OR2C1: variants seen among roughly 807,000 people sequenced by gnomAD.
The protein encoded by OR2C1 is olfactory receptor 2C1.
For synonymous variants in OR2C1, 209 were observed against 167.3 expected (o/e 1.25, Z -1.92); for missense variants, 468 against 388.3 (o/e 1.21, Z -1.73).
At chr16:3,324,230 C>T in the OR2C1 span, among the ~76,000 whole-genome samples, 2 of 152,228 alleles carry the variant, frequency 1.3e-5, no homozygotes, top group Non-Finnish European at 2.9e-5. Flanking sequence ...CTCACTCTAT[C>T]CCCCAGGCTG....
downstream of OR2C1, among the ~76,000 whole-genome samples, chr16:3,357,631 C>A (rs35535522): frequency 6.6e-5 from 10 of 152,206 alleles, no homozygotes; most frequent in Non-Finnish European, 8.8e-5. Flanking sequence ...GCCTTGACTT[C>A]CCCAAGTGCT....
In OR2C1 at chr16:3,355,994, A is replaced by G. The variant is rs1228348; in HGVS notation, c.54A>G (p.Ser18=). The G allele has an allele frequency of 0.87, 1,406,319 of 1,613,140 alleles. 613,766 individuals are homozygous for G. Among genetic ancestry groups the G allele is most frequent in the South Asian group, 0.92 (84,048 of 91,062 alleles). ...AGGGCTTTGTTCTGATGGGCATATC[A>G]GACCATCCCCAGCTGGAGATGATCT... ...SLQGFVLMGI[S]DHPQLEMIFF... The change falls in exon 1 of 1, where the codon TCA becomes TCG. Residue 18 remains serine, a synonymous_variant. Transcript: ENST00000304936.
chr16:3,340,549 G>T, the OR2C1 span, among the ~76,000 whole-genome samples: 2 of 152,120 alleles, frequency 1.3e-5, no homozygotes, highest in Non-Finnish European at 2.9e-5. Flanking sequence ...ATTTACCCGT[G>T]TTTCCTTCTA....
upstream of OR2C1, among the ~76,000 whole-genome samples, chr16:3,351,656 A>G (rs2030576053): frequency 6.6e-6 from 1 of 152,068 alleles, no homozygotes. Flanking sequence ...AGACCCTCGG[A>G]TAAGGAATTG....
chr16:3,328,204 A>T, the OR2C1 span, among the ~76,000 whole-genome samples: 3 of 152,340 alleles, frequency 2.0e-5, no homozygotes, highest in South Asian at 2.1e-4. Flanking sequence ...CTGCTGTGAA[A>T]GATCCTTTAT....
chr16:3,347,056 C>T, the OR2C1 span, among the ~76,000 whole-genome samples: 2 of 150,534 alleles, frequency 1.3e-5, no homozygotes, highest in African/African-American at 4.9e-5. Context: ...ACCAGCCTGG[C>T]CAACATGATG....
upstream of OR2C1, among the ~76,000 whole-genome samples, chr16:3,351,187 C>G (rs1187914854): frequency 1.4e-5 from 2 of 144,062 alleles, no homozygotes; most frequent in African/African-American, 2.6e-5. Flanking sequence ...TTCTCCTGCT[C>G]TGAATTTAAG....
the OR2C1 span, among the ~76,000 whole-genome samples, chr16:3,344,467 C>T: frequency 6.6e-6 from 1 of 152,176 alleles, no homozygotes; most frequent in Non-Finnish European, 1.5e-5. Flanking sequence ...GTGGCTCACG[C>T]CCGTAATCCC....
the OR2C1 span, among the ~76,000 whole-genome samples, chr16:3,324,649 T>C: frequency 5.3e-5 from 8 of 152,010 alleles, no homozygotes; most frequent in Non-Finnish European, 8.8e-5. Flanking sequence ...ATGGGAGTCT[T>C]GATATGTTGC....
At chr16:3,332,679 A>C in the OR2C1 span, among the ~76,000 whole-genome samples, 748 of 150,820 alleles carry the variant, frequency 5.0e-3, 6 homozygotes, top group African/African-American at 0.017. Context: ...AAATGACAAG[A>C]TTTGTGTTCT....
chr16:3,334,710 A>G, the OR2C1 span, among the ~76,000 whole-genome samples: 122 of 151,890 alleles, frequency 8.0e-4, no homozygotes, highest in African/African-American at 2.8e-3. Flanking sequence ...TGTGTTCTCT[A>G]TTCTGCTCCA....
chr16:3,345,297 A>T, the OR2C1 span, among the ~76,000 whole-genome samples: 1 of 152,068 alleles, frequency 6.6e-6, no homozygotes, highest in Non-Finnish European at 1.5e-5. Context: ...ATCCTGGCTA[A>T]CATGGTGAAA....
chr16:3,327,830 T>C, the OR2C1 span, among the ~76,000 whole-genome samples: 6 of 151,924 alleles, frequency 3.9e-5, no homozygotes, highest in African/African-American at 1.5e-4. Context: ...TCTCATTTAC[T>C]CACTTGCATT....
At chr16:3,328,541 C>T in the OR2C1 span, among the ~76,000 whole-genome samples, 3 of 152,170 alleles carry the variant, frequency 2.0e-5, no homozygotes, top group Non-Finnish European at 4.4e-5. Context: ...ACAGGAAAAA[C>T]AACCAAAAAC....
At chr16:3,333,210 C>G in the OR2C1 span, among the ~76,000 whole-genome samples, 67 of 33,042 alleles carry the variant, frequency 2.0e-3, 2 homozygotes, top group Admixed American at 4.1e-3. Context: ...ATCTTTTGCC[C>G]ATTTTTTTTT....
the OR2C1 span, among the ~76,000 whole-genome samples, chr16:3,346,646 T>C: frequency 8.4e-5 from 10 of 118,474 alleles, no homozygotes; most frequent in Admixed American, 5.0e-4. Flanking sequence ...TTTTTTGAGA[T>C]GGAGTCTTCC....
At chr16:3,351,354 A>G (rs577266928), upstream of OR2C1, among the ~76,000 whole-genome samples, 51 of 147,392 alleles carry the variant, frequency 3.5e-4, no homozygotes, top group Admixed American at 6.9e-4. Context: ...CAGCCTCCCT[A>G]TTTTTTTTGC....
upstream of OR2C1, among the ~76,000 whole-genome samples, chr16:3,353,008 G>T (rs2030598497): frequency 1.3e-5 from 2 of 151,528 alleles, no homozygotes; most frequent in Admixed American, 6.6e-5. Context: ...CTCCCAAAGT[G>T]TTGAGATTAC....
the OR2C1 span, among the ~76,000 whole-genome samples, chr16:3,328,490 T>C: frequency 2.5e-4 from 38 of 152,230 alleles, no homozygotes; most frequent in African/African-American, 9.2e-4. Context: ...GGAAGATATT[T>C]ATTGGTCACT....
Sources: allele counts gnomAD v4.1 joint callset (sites outside exome capture counted in the v4.1 genomes callset), GRCh38; gene constraint gnomAD v4.1.1; transcripts MANE v1.5; gene names NCBI Gene and HGNC (gene_info 2026-07-23, HGNC 2026-07-21).